Variants in OGA observed in about 807,000 individuals in gnomAD.
OGA encodes protein O-GlcNAcase.
OGA carries 21 observed loss-of-function variants against 102.0 expected under a neutral mutation model. That is an observed-to-expected ratio of 0.21 (90% CI 0.15 to 0.30). OGA has a LOEUF of 0.30. Among genes scored for constraint, OGA ranks in the 10% least tolerant of loss-of-function variants. The pLI is 1.00. For missense variants in OGA, 765 were observed against 1,107.8 expected (o/e 0.69, Z 4.39); for synonymous variants, 408 against 378.2 (o/e 1.08, Z -0.91).
intron 10 of OGA, chr10:101,796,965 T>C (rs2065324676): frequency 6.6e-6 from 1 of 152,140 alleles, no homozygotes. Context: ...AAAAGTTATC[T>C]ATTTTCAAAT....
chr10:101,800,205 T>G lies in OGA; in HGVS notation c.1195+37A>C, dbSNP rs34412824. On this transcript the variant is annotated intron_variant, in intron 8 of 15. Transcript: ENST00000361464. ...TTCTTTACTTTGTGACTCAACTATG[T>G]GATCTAACCCCCTTAACAAAGAATG... 768 of 1,591,480 alleles carry G rather than the reference T, an allele frequency of 4.8e-4. 11 individuals carry two copies. In the East Asian group the frequency reaches 0.015, roughly 31 times the overall value.
chr10:101,799,153 C>T lies in OGA; in HGVS notation c.1498G>A (p.Asp500Asn), dbSNP rs1237501231. Residue 500 changes from aspartate (D) to asparagine (N), a missense_variant, in exon 9 of 16, where the codon GAC becomes AAC. Asp to Asn is a conservative substitution (Grantham distance 23). Around this residue, in one of 7 missense-constraint regions of OGA, gnomAD observed 281 missense variants for 345.8 expected, o/e 0.81. Transcript: ENST00000361464. ...AKMAEELKPM[D>N]TDKESIAESK... ...TCAGCTATGCTCTCTTTATCAGTGT[C>T]CATTGGTTTCAATTCCTCTGCCATT... is the stretch of plus-strand genomic sequence containing the variant. 2 of 1,614,066 alleles carry T rather than the reference C, an allele frequency of 1.2e-6. No homozygotes were observed. The highest frequency in any genetic ancestry group is 3.3e-5 in the Admixed American group (2 of 60,004).
chr10:101,808,380 C>A (rs898369304), intron 4 of OGA, among the ~76,000 whole-genome samples: 12 of 152,174 alleles, frequency 7.9e-5, no homozygotes, highest in African/African-American at 2.9e-4. Context: ...TCATGGGCTG[C>A]TGCTGATTGT....
At chr10:101,795,020 G>C (rs149714075) in intron 10 of OGA, among the ~76,000 whole-genome samples, 2,118 of 152,242 alleles carry the variant, frequency 0.014, 33 homozygotes, top group South Asian at 0.028. Flanking sequence ...TTAAGAGTTT[G>C]TATCTGGTTT....
Position 101,799,212 on chromosome 10 carries a change from T to G in OGA, c.1439A>C (p.Asp480Ala). The change falls in exon 9 of 16, where the codon GAC (aspartate) becomes GCC (alanine). Residue 480 changes from aspartate (D) to alanine (A), a missense_variant. Asp to Ala is a moderately radical substitution (Grantham distance 126, BLOSUM62 -2). Transcript: ENST00000361464. ...EKQEETDHKN[D>A]NQILSEIVEA... ...AACAATTTCACTCAGTATTTGATTG[T>G]CATTCTTGTGGTCCGTTTCTTCTTG... 1 of 1,614,236 alleles carries G rather than the reference T, an allele frequency of 6.2e-7. No individual in the cohort carries two copies. Among genetic ancestry groups the G allele is most frequent in the Non-Finnish European group, 8.5e-7 (1 of 1,180,050 alleles).
intron 7 of OGA, 66 bp downstream of exon 7, chr10:101,803,669 T>A (rs1283628126): frequency 7.0e-7 from 1 of 1,437,146 alleles, no homozygotes; most frequent in Non-Finnish European, 9.6e-7. Flanking sequence ...GAATGCATAC[T>A]TTCCACTGGC....
intron 8 of OGA, 135 bp from the exon 9 acceptor site, chr10:101,799,590 G>C: frequency 2.1e-6 from 2 of 940,200 alleles, no homozygotes; most frequent in Non-Finnish European, 1.5e-6. Flanking sequence ...AAATTAATTT[G>C]ACCTCTAAGA....
Position 101,817,809 on chromosome 10 carries a change from A to T in OGA, c.199+15T>A. On this transcript the variant is annotated intron_variant, in intron 1 of 15. Coordinates refer to ENST00000361464, the MANE Select transcript of OGA (RefSeq NM_012215.5). ...CGTGTTAGTGCCAAAACGGGGAGGGAAGGAGGGCGCTCACCTTCCACCACA... is the reference window on the plus strand; with the variant it reads ...CGTGTTAGTGCCAAAACGGGGAGGGTAGGAGGGCGCTCACCTTCCACCACA... The T allele has an allele frequency of 6.5e-7, 1 of 1,536,168 alleles. No homozygotes were observed. The highest frequency in any genetic ancestry group is 2.4e-5 in the East Asian group (1 of 40,832).
chr10:101,794,221 T>A (rs2135039965), intron 10 of OGA: 1 of 294,108 alleles, frequency 3.4e-6, no homozygotes, highest in South Asian at 6.4e-5. Flanking sequence ...TTATCAGTTC[T>A]ACTCTTTAAT....
At position 101,818,316 on chromosome 10, in the gene OGA, C is replaced by G; in HGVS notation, c.-294G>C. The G allele has an allele frequency of 8.3e-7, 1 of 1,201,688 alleles. No individual in the cohort carries two copies. The highest frequency in any genetic ancestry group is 1.0e-6 in the Non-Finnish European group (1 of 963,710). The allele number at this position is 1,201,688 out of a possible 1,614,324, so 74.4% of individuals were successfully genotyped here. On this transcript the variant is annotated 5_prime_UTR_variant, in exon 1 of 16. Transcript: ENST00000361464. ...CCTCTCGTTCCCTGGAAGAAGACGG[C>G]CAAGGGTCCTGTCCTCGTTCTCTGC... is the stretch of plus-strand genomic sequence containing the variant.
rs1198665943 is a variant in OGA at position 101,792,878 on chromosome 10, G to A, written c.2136C>T (p.Ser712=). Residue 712 remains serine (S), a synonymous_variant, in exon 12 of 16, where the codon TCC becomes TCT. Coordinates refer to ENST00000361464, the MANE Select transcript of OGA (RefSeq NM_012215.5). The stretch of plus-strand genomic sequence containing the variant: ...AATAAGGTCTGATAGTATAAACTTT[G>A]GAGGTAGGAGTCAGTGGAGGTGGCT... ...FFQPPPLTPT[S]KVYTIRPYFP... 1.2e-6 allele frequency: 2 copies of A among 1,613,102 alleles called. No individual in the cohort carries two copies. Among genetic ancestry groups the A allele is most frequent in the Admixed American group, 3.3e-5 (2 of 60,020 alleles).
intron 4 of OGA, 56 bp from the exon 5 acceptor site, chr10:101,807,957 T>G: frequency 2.2e-6 from 3 of 1,338,390 alleles, no homozygotes; most frequent in Non-Finnish European, 3.0e-6. Flanking sequence ...ATTCCAAACA[T>G]TACAGCGTTA....
At chr10:101,799,952 A>G (rs1348664981) in intron 8 of OGA, among the ~76,000 whole-genome samples, 2 of 152,114 alleles carry the variant, frequency 1.3e-5, no homozygotes, top group East Asian at 3.9e-4. Flanking sequence ...GGCTCACTGC[A>G]ACCTCTGCCT....
rs2135019679 is a variant in OGA, at chr10:101,786,399, T to C, written c.*52A>G. The stretch of plus-strand genomic sequence containing the variant: ...AACTGTATGAAGACCTCAACTACCA[T>C]TCACAAGGTGCAGTTAAGAGACTTT... On this transcript the variant is annotated 3_prime_UTR_variant, in exon 16 of 16. Transcript: ENST00000361464. 1.3e-6 allele frequency: 2 copies of C among 1,507,498 alleles called. No homozygotes were observed. Among genetic ancestry groups the C allele is most frequent in the South Asian group, 1.4e-5 (1 of 70,436 alleles). 93.4% of individuals were successfully genotyped at this position (1,507,498 alleles called of 1,614,324 possible).
intron 10 of OGA, among the ~76,000 whole-genome samples, chr10:101,794,988 T>C (rs1478884573): frequency 6.6e-6 from 1 of 152,216 alleles, no homozygotes; most frequent in African/African-American, 2.4e-5. Flanking sequence ...CAAACCAATT[T>C]TTTGTTAACA....
intron 5 of OGA, among the ~76,000 whole-genome samples, chr10:101,807,044 G>GT (rs1170980466): frequency 5.3e-5 from 8 of 152,184 alleles, no homozygotes; most frequent in Non-Finnish European, 8.8e-5. Flanking sequence ...AACTTAAACT[G>GT]TAACTTGCAG....
chr10:101,791,833 A>ATT (rs748999493), intron 12 of OGA, among the ~76,000 whole-genome samples: 3 of 141,366 alleles, frequency 2.1e-5, no homozygotes, highest in Non-Finnish European at 1.6e-5. Context: ...TACTCATCTA[A>ATT]TTTTTTTTTT....
At chr10:101,802,228 T>G (rs1206897995) in intron 7 of OGA, among the ~76,000 whole-genome samples, 1 of 152,234 alleles carries the variant, frequency 6.6e-6, no homozygotes, top group Non-Finnish European at 1.5e-5. Flanking sequence ...CTCCTCATAC[T>G]TTGATCCAGC....
intron 14 of OGA, among the ~76,000 whole-genome samples, chr10:101,789,727 A>AGTATG (rs1238364713): frequency 6.6e-6 from 1 of 152,094 alleles, no homozygotes; most frequent in Non-Finnish European, 1.5e-5. Flanking sequence ...TAATCCTAGC[A>AGTATG]GTATGGGAGG....
Sources: allele counts gnomAD v4.1 joint callset (sites outside exome capture counted in the v4.1 genomes callset), GRCh38; gene constraint gnomAD v4.1.1; regional missense constraint gnomAD v4.1.1; transcripts MANE v1.5; gene names NCBI Gene and HGNC (gene_info 2026-07-23, HGNC 2026-07-21).